INPP4B: variants seen among roughly 807,000 people sequenced by gnomAD.
INPP4B encodes the protein inositol polyphosphate-4-phosphatase type II B, also known as inositol polyphosphate 4-phosphatase type II.
Under a neutral mutation model 122.5 loss-of-function variants are expected in INPP4B, and 55 were observed. That is an observed-to-expected ratio of 0.45 (90% CI 0.36 to 0.56). The LOEUF is 0.56. INPP4B is among the 20% of genes least tolerant of loss of function. The pLI is 0.00. For missense variants in INPP4B, 1,000 were observed against 1,097.7 expected, an observed-to-expected ratio of 0.91 and a Z score of 1.26; for synonymous variants, 403 against 388.7, an observed-to-expected ratio of 1.04 and a Z score of -0.43.
intron 7 of INPP4B, among the ~76,000 whole-genome samples, chr4:142,357,603 G>A (rs919508555): frequency 2.0e-5 from 3 of 151,936 alleles, no homozygotes; most frequent in African/African-American, 4.8e-5. Flanking sequence ...ATGGGGAGAG[G>A]CCTCATCTTT....
chr4:142,844,952 T>A (rs1784008926), intron 1 of INPP4B, among the ~76,000 whole-genome samples: 1 of 152,228 alleles, frequency 6.6e-6, no homozygotes, highest in Admixed American at 6.5e-5. Context: ...ACAAGTTCTG[T>A]CTGTCATACT....
intron 7 of INPP4B, among the ~76,000 whole-genome samples, chr4:142,345,923 C>T (rs1253924077): frequency 1.3e-5 from 2 of 151,996 alleles, no homozygotes; most frequent in East Asian, 3.9e-4. Flanking sequence ...TCTAGATCTT[C>T]TCTTTTTCAT....
intron 12 of INPP4B, among the ~76,000 whole-genome samples, chr4:142,224,413 T>TA (rs1850650680): frequency 6.6e-6 from 1 of 152,122 alleles, no homozygotes; most frequent in South Asian, 2.1e-4. Flanking sequence ...CATTTTGAAA[T>TA]AAAATGAACC....
chr4:142,672,287 G>A (rs1169825142), intron 2 of INPP4B, among the ~76,000 whole-genome samples: 1 of 152,172 alleles, frequency 6.6e-6, no homozygotes, highest in Non-Finnish European at 1.5e-5. Flanking sequence ...TACAGTAAGT[G>A]TAAGTTTACT....
intron 5 of INPP4B, among the ~76,000 whole-genome samples, chr4:142,420,955 C>T (rs1806749216): frequency 6.6e-6 from 1 of 152,138 alleles, no homozygotes; most frequent in Non-Finnish European, 1.5e-5. Flanking sequence ...ACCACTTACG[C>T]TAATTCATTT....
intron 2 of INPP4B, among the ~76,000 whole-genome samples, chr4:142,622,579 T>C (rs1745200326): frequency 6.6e-6 from 1 of 151,622 alleles, no homozygotes; most frequent in Non-Finnish European, 1.5e-5. Flanking sequence ...GAGAAAAAAA[T>C]ATCATGCGGG....
chr4:142,122,397 GA>G, intron 20 of INPP4B, 152 bp from the exon 21 acceptor site: 4 of 637,856 alleles, frequency 6.3e-6, no homozygotes, highest in Non-Finnish European at 1.1e-5. Context: ...CTCAGAGGCT[GA>G]AGGTGTTTCT....
At position 142,062,039 on chromosome 4, in the gene INPP4B, G is replaced by T. The variant is rs1041408111; in HGVS notation, c.2642+19992C>A. ...TTACTTTATTTGGATCACAAGTCTTGCAAGTATGCTAAATTCATTTTGTCA... is the reference window on the plus strand; with the variant it reads ...TTACTTTATTTGGATCACAAGTCTTTCAAGTATGCTAAATTCATTTTGTCA... On this transcript the variant is annotated intron_variant, in intron 25 of 25. Coordinates refer to ENST00000262992, the MANE Select transcript of INPP4B (RefSeq NM_001101669.3). Among the ~76,000 whole-genome samples the T allele has an allele frequency of 2.6e-5, 4 of 151,646 alleles. No individual in the cohort carries two copies. In the East Asian group the frequency reaches 7.7e-4, roughly 29 times the overall value.
chr4:142,122,995 G>C (rs1026420070), intron 20 of INPP4B, among the ~76,000 whole-genome samples: 2 of 151,864 alleles, frequency 1.3e-5, no homozygotes, highest in Non-Finnish European at 2.9e-5. Context: ...GACATTACAG[G>C]GTTGAGACTT....
intron 7 of INPP4B, among the ~76,000 whole-genome samples, chr4:142,398,391 AAAAAAAAAAAATATATATATATAT>A (rs1432865621): frequency 4.5e-4 from 14 of 31,340 alleles, no homozygotes; most frequent in South Asian, 1.5e-3. Context: ...AAAAAAAAAA[AAAAAAAAAAAATATATATATATAT>A]ATATATATAT....
intron 2 of INPP4B, among the ~76,000 whole-genome samples, chr4:142,664,001 G>A (rs746086026): frequency 2.6e-5 from 4 of 152,112 alleles, no homozygotes; most frequent in Non-Finnish European, 5.9e-5. Context: ...GGAATGACTT[G>A]GTTATCTGCA....
chr4:142,790,304 C>T (rs149487682), intron 1 of INPP4B, among the ~76,000 whole-genome samples: 4 of 152,140 alleles, frequency 2.6e-5, no homozygotes, highest in Admixed American at 2.6e-4. Flanking sequence ...AAAATCTTCA[C>T]AATCTATACA....
Position 142,124,638 on chromosome 4 carries a change from G to A in INPP4B, c.1843C>T (p.Pro615Ser), listed in dbSNP as rs2152759435. 1 of 1,613,516 alleles carries A rather than the reference G, an allele frequency of 6.2e-7. No individual in the cohort carries two copies. The highest frequency in any genetic ancestry group is 8.5e-7 in the Non-Finnish European group (1 of 1,179,654). Residue 615 changes from proline (P) to serine (S), a missense_variant, in exon 19 of 26, where the codon CCC becomes TCC. Coordinates refer to ENST00000262992, the MANE Select transcript of INPP4B (RefSeq NM_001101669.3). ...VLLQELAYSL[P>S]QCLMLTLRRD... The stretch of plus-strand genomic sequence containing the variant: ...CTTAGCGTCAGCATCAGACACTGGG[G>A]CAAGCTGTACGCAAGTTCCTGAAGG...
At position 142,618,162 on chromosome 4, in the gene INPP4B, C is replaced by T. The variant is rs143747514; in HGVS notation, c.-191+107677G>A. 2.6e-3 allele frequency among the ~76,000 whole-genome samples: 401 copies of T among 151,880 alleles called. 6 individuals are homozygous for T. The highest frequency in any genetic ancestry group is 0.018 in the East Asian group (93 of 5,146). ...TGTCAAAATGTCCATATTACTCAAACTGATTTACAGATTCAATGCAATACC... is the reference window on the plus strand; with the variant it reads ...TGTCAAAATGTCCATATTACTCAAATTGATTTACAGATTCAATGCAATACC... On this transcript the variant is annotated intron_variant, in intron 2 of 25. Transcript: ENST00000262992.
chr4:142,061,062 T>C (rs1760390776), intron 25 of INPP4B, among the ~76,000 whole-genome samples: 1 of 152,178 alleles, frequency 6.6e-6, no homozygotes, highest in East Asian at 1.9e-4. Context: ...ACAGAAACCG[T>C]ATTCCAATAT....
intron 1 of INPP4B, among the ~76,000 whole-genome samples, chr4:142,837,957 C>T (rs936442393): frequency 6.6e-6 from 1 of 151,096 alleles, no homozygotes; most frequent in Admixed American, 6.6e-5. Context: ...GAAGGCTAAA[C>T]AATTGATAAT....
At chr4:142,452,992 C>T (rs1355758333) in intron 3 of INPP4B, among the ~76,000 whole-genome samples, 3 of 152,120 alleles carry the variant, frequency 2.0e-5, no homozygotes, top group Non-Finnish European at 4.4e-5. Context: ...CTGACATCTT[C>T]TGGAAATCTA....
intron 2 of INPP4B, among the ~76,000 whole-genome samples, chr4:142,593,017 T>A (rs1220990456): frequency 6.6e-6 from 1 of 151,608 alleles, no homozygotes; most frequent in African/African-American, 2.4e-5. Flanking sequence ...GACGGGAGGA[T>A]CACTTGAGCT....
chr4:142,253,993 C>T (rs543675827), intron 11 of INPP4B, among the ~76,000 whole-genome samples: 1 of 152,002 alleles, frequency 6.6e-6, no homozygotes, highest in Non-Finnish European at 1.5e-5. Context: ...TCTCCCAGCT[C>T]GCAGCTAGAG....
Sources: gnomAD v4.1 joint callset for allele counts (sites outside exome capture counted in the v4.1 genomes callset) on GRCh38, gnomAD v4.1.1 for gene constraint, MANE v1.5 for transcripts, NCBI Gene and HGNC (gene_info 2026-07-23, HGNC 2026-07-21) for gene names.